Variants in PRSS12 observed in about 807,000 individuals in gnomAD.
PRSS12 encodes neurotrypsin.
In PRSS12, 85 loss-of-function variants were observed where a neutral mutation model predicts 104.4. That is an observed-to-expected ratio of 0.81 (90% confidence interval 0.68 to 0.98). PRSS12 has a LOEUF of 0.98. PRSS12 is among the 50% of genes least tolerant of loss of function. PRSS12 has a pLI of 0.00. For missense variants in PRSS12, 1,141 were observed against 1,139.2 expected (o/e 1.00, Z -0.02); for synonymous variants, 454 against 425.2 (o/e 1.07, Z -0.83).
At chr4:118,305,321 G>A (rs2126031202) in intron 8 of PRSS12, among the ~76,000 whole-genome samples, 1 of 151,960 alleles carries the variant, frequency 6.6e-6, no homozygotes, top group East Asian at 1.9e-4. Flanking sequence ...TTAAATTACT[G>A]AATTACTTGT....
At chr4:118,292,666 T>A (rs1225126759) in intron 11 of PRSS12, among the ~76,000 whole-genome samples, 1 of 152,184 alleles carries the variant, frequency 6.6e-6, no homozygotes, top group Non-Finnish European at 1.5e-5. Flanking sequence ...TTCATGCCAC[T>A]CAGGTAACAC....
intron 6 of PRSS12, 134 bp downstream of exon 6, chr4:118,316,045 ATTG>A (rs1408299942): frequency 4.2e-6 from 4 of 942,388 alleles, no homozygotes; most frequent in Non-Finnish European, 6.3e-6. Context: ...ATTATTTTTC[ATTG>A]TTGTACTTCC....
At chr4:118,282,360 TA>T in intron 12 of PRSS12, 117 bp from the exon 13 acceptor site, 4 of 1,346,050 alleles carry the variant, frequency 3.0e-6, no homozygotes, top group Non-Finnish European at 4.2e-6. Context: ...TAGTGTAGTT[TA>T]AAATGAGCAA....
intron 9 of PRSS12, among the ~76,000 whole-genome samples, chr4:118,297,322 T>C (rs1032861274): frequency 3.9e-5 from 6 of 152,056 alleles, no homozygotes; most frequent in Non-Finnish European, 8.8e-5. Context: ...AACAAACATA[T>C]AAATAATGTT....
Position 118,352,923 on chromosome 4 carries a change from C to A in PRSS12, c.-203G>T. 7.6e-7 allele frequency: 1 copy of A among 1,322,606 alleles called. No homozygotes were observed. The highest frequency in any genetic ancestry group is 9.8e-7 in the Non-Finnish European group (1 of 1,024,174). 81.9% of individuals were successfully genotyped at this position (1,322,606 alleles called of 1,614,324 possible). A position where few individuals can be genotyped will look rare whatever the true frequency, so the allele number is the denominator to read the frequency against. Reference sequence around the variant, plus strand: ...CGCCTCGGCTCCTGTCCCCTGGCGGCGGCCGCGGGTGGGGAAATCTGGAGC... The same window carrying A: ...CGCCTCGGCTCCTGTCCCCTGGCGGAGGCCGCGGGTGGGGAAATCTGGAGC... On this transcript the variant is annotated 5_prime_UTR_variant, in exon 1 of 13. Transcript: ENST00000296498.
intron 3 of PRSS12, among the ~76,000 whole-genome samples, chr4:118,333,753 T>A (rs539616316): frequency 2.6e-5 from 4 of 152,314 alleles, no homozygotes; most frequent in African/African-American, 9.6e-5. Context: ...TTTCCTATGT[T>A]GTGTTTTATT....
At chr4:118,304,507 T>A (rs1743489039) in intron 8 of PRSS12, among the ~76,000 whole-genome samples, 2 of 152,126 alleles carry the variant, frequency 1.3e-5, no homozygotes, top group South Asian at 4.1e-4. Flanking sequence ...TTTAGATCTC[T>A]ATTAAAGCAG....
intron 1 of PRSS12, among the ~76,000 whole-genome samples, chr4:118,344,152 T>C (rs190399423): frequency 2.0e-5 from 3 of 152,246 alleles, no homozygotes; most frequent in Admixed American, 2.0e-4. Flanking sequence ...TTATGACCTA[T>C]TCAAAAGAAT....
chr4:118,352,647 A>G lies in PRSS12; in HGVS notation c.74T>C (p.Leu25Pro). ...GTGGCTGTGGTGGAGGGAATCATTG[A>G]GGACAGAATCAAAGCCGACCACTTC... is the stretch of plus-strand genomic sequence containing the variant. ...LPEVVGFDSV[L>P]NDSLHHSHRH... The change falls in exon 1 of 13, where the codon CTC becomes CCC. Residue 25 changes from leucine (L) to proline (P), a missense_variant. Transcript: ENST00000296498. 1 of 1,613,224 alleles carries G rather than the reference A, an allele frequency of 6.2e-7. No individual in the cohort carries two copies. The highest frequency in any genetic ancestry group is 8.5e-7 in the Non-Finnish European group (1 of 1,179,582).
intron 11 of PRSS12, 122 bp from the exon 12 acceptor site, chr4:118,283,233 C>A: frequency 1.6e-6 from 2 of 1,244,544 alleles, no homozygotes; most frequent in Admixed American, 3.6e-5. Context: ...GTAAATTCAA[C>A]CTTTCTTTCC....
Position 118,316,243 on chromosome 4 carries a change from C to T in PRSS12, c.1231G>A (p.Val411Ile), listed in dbSNP as rs779862163. The T allele has an allele frequency of 6.2e-7, 1 of 1,614,112 alleles. No homozygotes were observed. The highest frequency in any genetic ancestry group is 8.5e-7 in the Non-Finnish European group (1 of 1,180,012). The change falls in exon 6 of 13, where the codon GTC becomes ATC. Residue 411 changes from valine (V) to isoleucine (I), a missense_variant. Val to Ile is a conservative substitution (Grantham distance 29). Transcript: ENST00000296498. ...AGCTCAGTCCAGCCATCATCACAGACAGTTCCCCACTGGCCTCTGTAATAT... is the reference window on the plus strand; with the variant it reads ...AGCTCAGTCCAGCCATCATCACAGATAGTTCCCCACTGGCCTCTGTAATAT... Reference protein sequence around the residue: ...EVYYRGQWGTVCDDGWTELNT... With the variant: ...EVYYRGQWGTICDDGWTELNT...
At chr4:118,326,194 T>A (rs1723764990) in intron 4 of PRSS12, among the ~76,000 whole-genome samples, 1 of 152,172 alleles carries the variant, frequency 6.6e-6, no homozygotes, top group South Asian at 2.1e-4. Context: ...ACTGCAATTA[T>A]CAGTTTGTGC....
intron 11 of PRSS12, among the ~76,000 whole-genome samples, chr4:118,289,535 C>T (rs1743085410): frequency 6.6e-6 from 1 of 152,140 alleles, no homozygotes; most frequent in Admixed American, 6.5e-5. Flanking sequence ...CTCTCAGAGC[C>T]CTACTACATT....
At chr4:118,341,063 G>A (rs1044005394) in intron 1 of PRSS12, among the ~76,000 whole-genome samples, 1 of 152,124 alleles carries the variant, frequency 6.6e-6, no homozygotes, top group African/African-American at 2.4e-5. Context: ...GACATGAGGG[G>A]AGTTGAGTAA....
At chr4:118,287,082 T>A (rs904031674) in intron 11 of PRSS12, among the ~76,000 whole-genome samples, 1 of 152,184 alleles carries the variant, frequency 6.6e-6, no homozygotes, top group Admixed American at 6.5e-5. Context: ...AGGCGAACAG[T>A]ACCATTCTTG....
rs769190204 is a variant in PRSS12, at chr4:118,282,079, G to C, written c.2485C>G (p.Leu829Val). The change falls in exon 13 of 13, where the codon CTC becomes GTC. Residue 829 changes from leucine to valine, a missense_variant. Physicochemically the swap from Leu to Val is conservative, Grantham distance 32 (BLOSUM62 1). Transcript: ENST00000296498. ...CTCTCTCCGGGCCGTTCACACATGA[G>C]TGGTCCTCCGCTGTCTCCCTGGCAG... Reference protein sequence around the residue: ...DSCQGDSGGPLMCERPGESWV... With the variant: ...DSCQGDSGGPVMCERPGESWV... The C allele has an allele frequency of 1.2e-6, 2 of 1,614,162 alleles. No individual in the cohort carries two copies. The highest frequency in any genetic ancestry group is 3.3e-5 in the Admixed American group (2 of 60,022).
intron 8 of PRSS12, among the ~76,000 whole-genome samples, chr4:118,299,775 A>AAAATAAAATAAAATAAAAT (rs1393910451): frequency 1.6e-4 from 10 of 61,694 alleles, no homozygotes; most frequent in South Asian, 6.1e-4. Flanking sequence ...TAAATAAAAT[A>AAAATAAAATAAAATAAAAT]AAATAAAATA....
chr4:118,302,662 A>G (rs1263208083), intron 8 of PRSS12, among the ~76,000 whole-genome samples: 2 of 152,154 alleles, frequency 1.3e-5, no homozygotes, highest in Non-Finnish European at 2.9e-5. Context: ...CCTGGCCTCG[A>G]GAGATCTGCC....
Position 118,331,834 on chromosome 4 carries a change from C to T in PRSS12, c.853G>A (p.Gly285Ser). The T allele has an allele frequency of 6.2e-7, 1 of 1,614,132 alleles. No homozygotes were observed. Among genetic ancestry groups the T allele is most frequent in the South Asian group, 1.1e-5 (1 of 91,070 alleles). Residue 285 changes from glycine to serine, a missense_variant, in exon 4 of 13, where the codon GGC becomes AGC. Transcript: ENST00000296498. Reference protein sequence around the residue: ...PTFPIIRLAGGSSVHEGRVEL... With the variant: ...PTFPIIRLAGSSSVHEGRVEL... Reference sequence around the variant, plus strand: ...ACCCGGCCTTCATGCACACTGCTGCCTCCAGCAAGGCGAATGATGGGGAAC... The same window carrying T: ...ACCCGGCCTTCATGCACACTGCTGCTTCCAGCAAGGCGAATGATGGGGAAC...
Sources: allele counts gnomAD v4.1 joint callset (sites outside exome capture counted in the v4.1 genomes callset), GRCh38; gene constraint gnomAD v4.1.1; transcripts MANE v1.5; gene names NCBI Gene and HGNC (gene_info 2026-07-23, HGNC 2026-07-21).